The following GRID2 variants were observed in gnomAD, a reference collection of about 807,000 sequenced individuals.
GRID2 encodes the protein glutamate receptor ionotropic, delta-2.
Under a neutral mutation model 114.8 loss-of-function variants are expected in GRID2, and 33 were observed. The observed-to-expected ratio is 0.29, with a 90% CI of 0.22 to 0.38. GRID2 has a LOEUF of 0.38. Ranked by LOEUF, GRID2 falls within the 10% of genes least tolerant of loss-of-function variation. The pLI is 1.00. For synonymous variants in GRID2, 505 were observed against 449.9 expected, an observed-to-expected ratio of 1.12 and a Z score of -1.55; for missense variants, 1,184 against 1,257.7, an observed-to-expected ratio of 0.94 and a Z score of 0.89.
chr4:92,342,316 AAAT>A (rs1306933649), intron 1 of GRID2, among the ~76,000 whole-genome samples: 2 of 152,280 alleles, frequency 1.3e-5, no homozygotes, highest in Admixed American at 6.5e-5. Flanking sequence ...TAGAAATATA[AAAT>A]AATAATTAAA....
chr4:93,140,014 AT>A (rs893134422), intron 4 of GRID2, among the ~76,000 whole-genome samples: 1 of 152,186 alleles, frequency 6.6e-6, no homozygotes, highest in Admixed American at 6.5e-5. Flanking sequence ...CTAATAAAGT[AT>A]AAACTTGAAA....
Position 92,795,171 on chromosome 4 carries a change from T to C in GRID2, c.244+204885T>C, listed in dbSNP as rs577865637. On this transcript the variant is annotated intron_variant, in intron 2 of 15. Transcript: ENST00000282020. ...TGGAAGGGGAGGCAGGAGAGTGATA[T>C]GATTTGTCTGCAACCCCATTCAAAT... 5.7e-4 allele frequency among the ~76,000 whole-genome samples: 87 copies of C among 151,652 alleles called. 2 individuals are homozygous for C. The South Asian group carries it at 0.017, about 29-fold the overall frequency.
At chr4:93,534,650 A>G (rs1351455825) in intron 13 of GRID2, among the ~76,000 whole-genome samples, 1 of 152,130 alleles carries the variant, frequency 6.6e-6, no homozygotes. Context: ...AAAAAATTAA[A>G]CAAAAGTGAA....
intron 2 of GRID2, among the ~76,000 whole-genome samples, chr4:92,791,602 G>A (rs1021133199): frequency 4.6e-5 from 7 of 151,722 alleles, no homozygotes; most frequent in East Asian, 3.9e-4. Context: ...TTTCAAAAAA[G>A]CATGACAGTA....
intron 2 of GRID2, among the ~76,000 whole-genome samples, chr4:92,613,352 T>A (rs1420935371): frequency 6.6e-6 from 1 of 151,484 alleles, no homozygotes; most frequent in Non-Finnish European, 1.5e-5. Context: ...CATGAATCTG[T>A]ATTCATGAGA....
intron 2 of GRID2, among the ~76,000 whole-genome samples, chr4:92,961,514 T>C (rs563404103): frequency 6.6e-6 from 1 of 151,876 alleles, no homozygotes; most frequent in East Asian, 1.9e-4. Context: ...CTTTTCTTGC[T>C]TTCATAGTTT....
chr4:92,710,624 C>T (rs962699313), intron 2 of GRID2, among the ~76,000 whole-genome samples: 3 of 152,234 alleles, frequency 2.0e-5, no homozygotes, highest in Non-Finnish European at 2.9e-5. Flanking sequence ...GAATGGCTTT[C>T]GTATGTTTGA....
intron 2 of GRID2, among the ~76,000 whole-genome samples, chr4:92,957,851 C>T (rs1752520495): frequency 6.6e-6 from 1 of 151,952 alleles, no homozygotes; most frequent in Non-Finnish European, 1.5e-5. Flanking sequence ...TAGTTTTCCT[C>T]ATATAGATTC....
At chr4:92,766,536 CAA>C (rs34162997) in intron 2 of GRID2, among the ~76,000 whole-genome samples, 2,538 of 86,992 alleles carry the variant, frequency 0.029, 40 homozygotes, top group East Asian at 0.13. Flanking sequence ...GACTCCTTCT[CAA>C]AAAAAAAAAA....
intron 13 of GRID2, among the ~76,000 whole-genome samples, chr4:93,558,242 C>G (rs1014507449): frequency 6.6e-6 from 1 of 152,018 alleles, no homozygotes; most frequent in Non-Finnish European, 1.5e-5. Flanking sequence ...AAGATCAGAG[C>G]ACAACTGAAG....
chr4:92,948,413 T>C (rs17261940), intron 2 of GRID2, among the ~76,000 whole-genome samples: 13,795 of 151,948 alleles, frequency 0.091, 799 homozygotes, highest in Middle Eastern at 0.13. Flanking sequence ...ACTATTTTCC[T>C]ATTTTAAATC....
chr4:92,848,780 T>C (rs1054983024), intron 2 of GRID2, among the ~76,000 whole-genome samples: 1 of 151,842 alleles, frequency 6.6e-6, no homozygotes, highest in African/African-American at 2.4e-5. Context: ...ACAGTTAAGG[T>C]AGGCCTAATC....
intron 1 of GRID2, among the ~76,000 whole-genome samples, chr4:92,317,419 T>A (rs1726051023): frequency 6.6e-6 from 1 of 152,222 alleles, no homozygotes. Flanking sequence ...CATTGAAAAC[T>A]GAACATAACA....
At chr4:93,106,880 A>G (rs983143669) in intron 3 of GRID2, among the ~76,000 whole-genome samples, 6 of 152,148 alleles carry the variant, frequency 3.9e-5, no homozygotes, top group African/African-American at 1.4e-4. Flanking sequence ...TCTCTTAACA[A>G]ATAGTCATGT....
At chr4:92,541,217 A>C (rs1399049172) in intron 1 of GRID2, among the ~76,000 whole-genome samples, 1 of 152,070 alleles carries the variant, frequency 6.6e-6, no homozygotes, top group African/African-American at 2.4e-5. Flanking sequence ...TGGGTGCAGC[A>C]CACCAACATG....
In GRID2 at chr4:93,604,382, T is replaced by C. The variant is rs188777948; in HGVS notation, c.2194-21887T>C. ...ACAACGTAGCTGAATTGCTGCAATC[T>C]TGTGATGAAATTTGAATGAATAAGG... On this transcript the variant is annotated intron_variant, in intron 13 of 15. Coordinates refer to ENST00000282020, the MANE Select transcript of GRID2 (RefSeq NM_001510.4). Among the ~76,000 whole-genome samples, 61 of 152,326 alleles carry C rather than the reference T, an allele frequency of 4.0e-4. 3 individuals are homozygous for C. The highest frequency in any genetic ancestry group is 3.9e-3 in the South Asian group (19 of 4,828).
chr4:92,464,170 G>T (rs1269032831), intron 1 of GRID2, among the ~76,000 whole-genome samples: 1 of 151,916 alleles, frequency 6.6e-6, no homozygotes, highest in African/African-American at 2.4e-5. Flanking sequence ...AGTAAATTAA[G>T]AATCAAGTGT....
At chr4:93,660,860 C>A (rs1337938245) in intron 14 of GRID2, among the ~76,000 whole-genome samples, 1 of 152,084 alleles carries the variant, frequency 6.6e-6, no homozygotes, top group South Asian at 2.1e-4. Flanking sequence ...ATGGATCCTG[C>A]TCACAGAGGG....
intron 1 of GRID2, among the ~76,000 whole-genome samples, chr4:92,438,564 T>G (rs892142505): frequency 4.0e-5 from 6 of 149,734 alleles, no homozygotes; most frequent in African/African-American, 1.5e-4. Context: ...AATATTCATT[T>G]GGCAGTTTAC....
Sources: allele counts gnomAD v4.1 joint callset (sites outside exome capture counted in the v4.1 genomes callset), GRCh38; gene constraint gnomAD v4.1.1; transcripts MANE v1.5; gene names NCBI Gene and HGNC (gene_info 2026-07-23, HGNC 2026-07-21).